The following NEB variants were observed in gnomAD, a reference collection of about 807,000 sequenced individuals.
NEB encodes nemaline myopathy type 2.
In NEB, 512 loss-of-function variants were observed where a neutral mutation model predicts 952.2. The observed-to-expected ratio is 0.54, with a 90% confidence interval of 0.50 to 0.58. The LOEUF (loss-of-function observed/expected upper bound fraction) is 0.58. NEB is among the 20% of genes least tolerant of loss of function. The pLI is 0.00. For synonymous variants in NEB, 2,900 were observed against 3,149.8 expected (o/e 0.92, Z 2.66); for missense variants, 8,428 against 9,231.1 (o/e 0.91, Z 3.56).
rs561706320 is a variant in NEB at position 151,577,545 on chromosome 2, T to A, written c.16705-1191A>T. ...TCTTTAATGAACATCTAGGTCTCGG[T>A]TATCAATGTGAACTCCCTAAAGTCA... On this transcript the variant is annotated intron_variant, in intron 105 of 181. Coordinates refer to ENST00000397345, the MANE Select transcript of NEB (RefSeq NM_001164508.2). Among the ~76,000 whole-genome samples, 4 of 152,310 alleles carry A rather than the reference T, an allele frequency of 2.6e-5. No individual in the cohort carries two copies. The South Asian group carries it at 8.3e-4, about 32-fold the overall frequency.
At chr2:151,534,663 A>G (rs6414089) in intron 142 of NEB, among the ~76,000 whole-genome samples, 91,722 of 152,126 alleles carry the variant, frequency 0.6, 28,208 homozygotes, top group Admixed American at 0.7. Context: ...TTTACCAACT[A>G]AGGCTGTGAG....
chr2:151,684,034 G>A (rs545355758), intron 28 of NEB, among the ~76,000 whole-genome samples: 7 of 152,246 alleles, frequency 4.6e-5, no homozygotes, highest in Admixed American at 2.6e-4. Flanking sequence ...GAAACAAAGC[G>A]TAGATTGGTG....
intron 12 of NEB, among the ~76,000 whole-genome samples, chr2:151,707,697 TC>T: frequency 6.6e-6 from 1 of 152,266 alleles, no homozygotes; most frequent in East Asian, 1.9e-4. Flanking sequence ...AAGAAACTGA[TC>T]CTGGTTCCCA....
In NEB at chr2:151,644,484, C is replaced by T. The variant is rs758589097; in HGVS notation, c.7628G>A (p.Arg2543Gln). ...AAATCTTACTTCACTGGCAATTTCC[C>T]GGGAGGCTTTTGCTGCTTTGATTGG... ...AIPIKAAKAS[R>Q]EIASEYKYKE... Residue 2543 changes from arginine to glutamine, a missense_variant, in exon 56 of 182, where the codon CGG becomes CAG. By Grantham distance (43) the Arg-to-Gln change is conservative. Around this residue, in one of 11 missense-constraint regions of NEB, gnomAD observed 1,772 missense variants for 1,960.3 expected, o/e 0.90. Transcript: ENST00000397345. 4.3e-6 allele frequency: 7 copies of T among 1,613,116 alleles called. No homozygotes were observed. The highest frequency in any genetic ancestry group is 1.1e-5 in the South Asian group (1 of 91,050).
At chr2:151,701,277 T>C (rs1240539044) in intron 13 of NEB, among the ~76,000 whole-genome samples, 10 of 151,540 alleles carry the variant, frequency 6.6e-5, no homozygotes, top group South Asian at 2.1e-4. Flanking sequence ...CAGTAGTTTA[T>C]TGAGGATTTT....
chr2:151,655,890 T>G lies in NEB; in HGVS notation c.6629A>C (p.Asn2210Thr), dbSNP rs768864684. 13 of 1,613,670 alleles carry G rather than the reference T, an allele frequency of 8.1e-6. No individual in the cohort carries two copies. Among genetic ancestry groups the G allele is most frequent in the African/African-American group, 1.3e-5 (1 of 74,904 alleles). ...ATCAGTCAGCTTCTTAAACTGGAAG[T>G]TGCTCGGGTGCTGGCGGTATTTCTG... The part of the protein sequence containing the change: ...SDQKYRQHPS[N>T]FQFKKLTDSM... The change falls in exon 50 of 182, where the codon AAC (asparagine) becomes ACC (threonine). Residue 2210 changes from asparagine (N) to threonine (T), a missense_variant. Physicochemically the swap from Asn to Thr is moderately conservative, Grantham distance 65. Coordinates refer to ENST00000397345, the MANE Select transcript of NEB (RefSeq NM_001164508.2).
intron 25 of NEB, 118 bp downstream of exon 25, chr2:151,688,160 AAAAGCTCCACTTAC>A (rs2099517395): frequency 2.7e-6 from 2 of 738,784 alleles, no homozygotes; most frequent in Non-Finnish European, 4.4e-6. Flanking sequence ...TTTTGGCCTT[AAAAGCTCCACTTAC>A]AAAGTAACCA....
chr2:151,715,872 A>G (rs968215264), intron 10 of NEB, among the ~76,000 whole-genome samples: 1 of 152,236 alleles, frequency 6.6e-6, no homozygotes, highest in Non-Finnish European at 1.5e-5. Context: ...TGGCAAGTCT[A>G]AATTGGTGGA....
intron 88 of NEB, among the ~76,000 whole-genome samples, chr2:151,601,420 T>G (rs2097532973): frequency 7.1e-6 from 1 of 140,938 alleles, no homozygotes; most frequent in East Asian, 2.1e-4. Flanking sequence ...TGAAATAATT[T>G]TTAATTATAA....
Position 151,658,057 on chromosome 2 carries a change from T to C in NEB, c.6109A>G (p.Lys2037Glu). The change falls in exon 48 of 182, where the codon AAG becomes GAG. Residue 2037 changes from lysine (K) to glutamate (E), a missense_variant. Transcript: ENST00000397345. ...LYKLSLEESK[K>E]KGYDLRPDAI... ...TCAGGTCTGAGATCATAGCCTTTCTTTTTAGACTCTTCCAAGGAAAGTTTG... is the reference window on the plus strand; with the variant it reads ...TCAGGTCTGAGATCATAGCCTTTCTCTTTAGACTCTTCCAAGGAAAGTTTG... 6.2e-7 allele frequency: 1 copy of C among 1,608,984 alleles called. No individual in the cohort carries two copies. Among genetic ancestry groups the C allele is most frequent in the South Asian group, 1.1e-5 (1 of 90,210 alleles).
chr2:151,567,061 A>AAT (rs1334038664), intron 114 of NEB, 107 bp downstream of exon 114: 18 of 1,006,822 alleles, frequency 1.8e-5, no homozygotes, highest in Non-Finnish European at 2.4e-5. Context: ...GAACAAATTA[A>AAT]ATATCGATGG....
rs1356819535 is a variant in NEB at position 151,643,160 on chromosome 2, G to A, written c.8150C>T (p.Thr2717Ile). 2 of 1,611,934 alleles carry A rather than the reference G, an allele frequency of 1.2e-6. No individual in the cohort carries two copies. The highest frequency in any genetic ancestry group is 3.3e-5 in the Admixed American group (2 of 60,014). ...AAACATAGGACTTACATGATTCATGGTAATAGCATTGTTTTTTGCCAAAAC... is the reference window on the plus strand; with the variant it reads ...AAACATAGGACTTACATGATTCATGATAATAGCATTGTTTTTTGCCAAAAC... ...PMVLAKNNAI[T>I]MNHRLYTEAW... Residue 2717 changes from threonine to isoleucine, a missense_variant, in exon 58 of 182, where the codon ACC becomes ATC. Around this residue, in one of 11 missense-constraint regions of NEB, gnomAD observed 1,772 missense variants for 1,960.3 expected, o/e 0.90. Coordinates refer to ENST00000397345, the MANE Select transcript of NEB (RefSeq NM_001164508.2).
In NEB at chr2:151,729,664, T is replaced by G; in HGVS notation, c.37-8A>C. ...CACTTCTTCTGTGTAGTACTGTAAA[T>G]AGAGCACAAAGGCATTGGCAAGAGA... On this transcript the variant is annotated splice_region_variant and splice_polypyrimidine_tract_variant and intron_variant, in intron 3 of 181. Transcript: ENST00000397345. The G allele has an allele frequency of 6.2e-7, 1 of 1,613,198 alleles. No homozygotes were observed. The highest frequency in any genetic ancestry group is 8.5e-7 in the Non-Finnish European group (1 of 1,179,400).
intron 13 of NEB, among the ~76,000 whole-genome samples, chr2:151,702,632 G>T (rs2099679261): frequency 6.6e-6 from 1 of 151,636 alleles, no homozygotes; most frequent in African/African-American, 2.4e-5. Flanking sequence ...GGCCTTCTTT[G>T]TCTCTTTTGA....
chr2:151,628,823 T>C (rs2098594883), intron 68 of NEB, among the ~76,000 whole-genome samples: 1 of 151,928 alleles, frequency 6.6e-6, no homozygotes, highest in Non-Finnish European at 1.5e-5. Context: ...GATCATACCA[T>C]TGCACTCTAG....
chr2:151,726,778 T>C (rs1233912609), intron 5 of NEB, among the ~76,000 whole-genome samples: 5 of 152,128 alleles, frequency 3.3e-5, no homozygotes, highest in African/African-American at 1.2e-4. Flanking sequence ...ATAATTCTAA[T>C]GTTTTGTGGG....
At chr2:151,617,569 C>G (rs1560490251) in intron 74 of NEB, 101 bp from the exon 75 acceptor site, 2 of 651,402 alleles carry the variant, frequency 3.1e-6, no homozygotes, top group Non-Finnish European at 4.9e-6. Context: ...CTCTTGTATA[C>G]AAGGTAGAAA....
intron 163 of NEB, among the ~76,000 whole-genome samples, 166 bp downstream of exon 163, chr2:151,506,741 CTG>C (rs199505117): frequency 0.014 from 2,085 of 152,262 alleles, 32 homozygotes; most frequent in Non-Finnish European, 0.019. Flanking sequence ...CAAATGGTCT[CTG>C]GAGATGATTT....
Position 151,501,441 on chromosome 2 carries a change from CA to C in NEB, c.23970del (p.Val7991SerfsTer154). 1 of 1,543,238 alleles carries C rather than the reference CA, an allele frequency of 6.5e-7. No homozygotes were observed. On this transcript the variant is annotated frameshift_variant, in exon 168 of 182. Transcript: ENST00000397345. LOFTEE classifies it high-confidence loss of function. Reference sequence around the variant, plus strand: ...TTGACTCGCTCCATCTCAGGAGTGACAGGTAGGGGAGTCCCCTTGCTCAAGT... The same window carrying C: ...TTGACTCGCTCCATCTCAGGAGTGACGGTAGGGGAGTCCCCTTGCTCAAGT... ...KENLSKGTPL[P>X]VTPEMERVKL...
Sources: gnomAD v4.1 joint callset for allele counts (sites outside exome capture counted in the v4.1 genomes callset) on GRCh38, gnomAD v4.1.1 for gene constraint, gnomAD v4.1.1 regional missense constraint, MANE v1.5 for transcripts, NCBI Gene and HGNC (gene_info 2026-07-23, HGNC 2026-07-21) for gene names.